Variants in FILIP1L observed in about 807,000 individuals in gnomAD.
FILIP1L encodes the protein filamin A-interacting protein 1-like.
In FILIP1L, 55 loss-of-function variants were observed where a neutral mutation model predicts 96.6. That is an observed-to-expected ratio of 0.57 (90% confidence interval 0.46 to 0.71). The LOEUF (loss-of-function observed/expected upper bound fraction) is 0.71. FILIP1L is among the 30% of genes least tolerant of loss of function. The pLI is 0.00. For missense variants in FILIP1L, 1,304 were observed against 1,321.2 expected, an observed-to-expected ratio of 0.99 and a Z score of 0.20; for synonymous variants, 467 against 473.9, an observed-to-expected ratio of 0.99 and a Z score of 0.19.
At chr3:99,843,139 G>A (rs910720389) in intron 5 of FILIP1L, among the ~76,000 whole-genome samples, 4 of 152,224 alleles carry the variant, frequency 2.6e-5, no homozygotes, top group Non-Finnish European at 4.4e-5. Flanking sequence ...TGTGCCATAA[G>A]TTGAATGGAG....
intron 1 of FILIP1L, among the ~76,000 whole-genome samples, chr3:100,102,657 G>A (rs1324824779): frequency 1.3e-5 from 2 of 152,020 alleles, no homozygotes; most frequent in South Asian, 2.1e-4. Context: ...TGTGTCCTCC[G>A]CCATGCTTTG....
At chr3:100,102,725 C>T (rs1178651819) in intron 1 of FILIP1L, among the ~76,000 whole-genome samples, 1 of 152,180 alleles carries the variant, frequency 6.6e-6, no homozygotes. Flanking sequence ...ACTGTGCTTC[C>T]TCTGGGTTTG....
At chr3:99,905,509 T>A (rs866682082) in intron 4 of FILIP1L, among the ~76,000 whole-genome samples, 2 of 152,250 alleles carry the variant, frequency 1.3e-5, no homozygotes, top group Admixed American at 6.5e-5. Context: ...TTACATCTTA[T>A]AGCATAATCA....
intron 1 of FILIP1L, among the ~76,000 whole-genome samples, chr3:99,989,443 T>C (rs1709447531): frequency 6.6e-6 from 1 of 152,212 alleles, no homozygotes; most frequent in Non-Finnish European, 1.5e-5. Flanking sequence ...CCACATTTTC[T>C]GGAGACCCAA....
At chr3:100,016,101 T>C (rs991517861) in intron 1 of FILIP1L, among the ~76,000 whole-genome samples, 3 of 152,252 alleles carry the variant, frequency 2.0e-5, no homozygotes, top group African/African-American at 7.2e-5. Context: ...GTGATGATCC[T>C]TGCAGGCCGT....
chr3:99,839,075 G>T (rs1330106152), intron 5 of FILIP1L, among the ~76,000 whole-genome samples: 1 of 151,942 alleles, frequency 6.6e-6, no homozygotes, highest in African/African-American at 2.4e-5. Context: ...CACCTCTTTG[G>T]AGCACCTTTC....
At position 99,850,135 on chromosome 3, in the gene FILIP1L, G is replaced by GT. The variant is rs1426215839; in HGVS notation, c.1540dup (p.Thr514AsnfsTer2). The GT allele has an allele frequency of 6.2e-7, 1 of 1,611,754 alleles. No homozygotes were observed. The highest frequency in any genetic ancestry group is 8.5e-7 in the Non-Finnish European group (1 of 1,179,598). On this transcript the variant is annotated frameshift_variant, in exon 5 of 6. Transcript: ENST00000477258. LOFTEE classifies it high-confidence loss of function. Reference sequence around the variant, plus strand: ...AGAAGCAGCTTGTAATTTATCTTCAGTTTTCTTTAATTTTTCACTCATTGT... The same window carrying GT: ...AGAAGCAGCTTGTAATTTATCTTCAGTTTTTCTTTAATTTTTCACTCATTGT...
At chr3:99,912,333 C>T (rs1266321843) in intron 4 of FILIP1L, among the ~76,000 whole-genome samples, 2 of 152,118 alleles carry the variant, frequency 1.3e-5, no homozygotes, top group Non-Finnish European at 2.9e-5. Flanking sequence ...TGGTTTCTAG[C>T]GGCTGTAGTG....
intron 4 of FILIP1L, among the ~76,000 whole-genome samples, chr3:99,915,855 T>C (rs1706933972): frequency 6.6e-6 from 1 of 152,204 alleles, no homozygotes; most frequent in African/African-American, 2.4e-5. Context: ...CTAAACAATA[T>C]GCCACTTGAA....
intron 4 of FILIP1L, among the ~76,000 whole-genome samples, chr3:99,870,510 G>A (rs1014277053): frequency 6.6e-6 from 1 of 152,176 alleles, no homozygotes; most frequent in Non-Finnish European, 1.5e-5. Flanking sequence ...TGTTGTCCAA[G>A]AGCTGCTAGT....
intron 1 of FILIP1L, among the ~76,000 whole-genome samples, chr3:99,987,372 T>C (rs1357512128): frequency 6.6e-6 from 1 of 150,820 alleles, no homozygotes; most frequent in African/African-American, 2.4e-5. Context: ...CTACTAAAAA[T>C]ACAAAAATTA....
At chr3:99,932,783 C>G (rs140677621) in intron 1 of FILIP1L, among the ~76,000 whole-genome samples, 79 of 152,226 alleles carry the variant, frequency 5.2e-4, no homozygotes, top group African/African-American at 1.8e-3. Context: ...CCCAGCTACT[C>G]AGGAGGCTGA....
intron 1 of FILIP1L, among the ~76,000 whole-genome samples, chr3:99,956,669 A>G (rs533773219): frequency 6.6e-6 from 1 of 152,352 alleles, no homozygotes; most frequent in South Asian, 2.1e-4. Flanking sequence ...GCTTTGGATC[A>G]TAAGCATCGC....
intron 1 of FILIP1L, among the ~76,000 whole-genome samples, chr3:100,050,350 C>CT (rs1327913275): frequency 6.6e-6 from 1 of 152,048 alleles, no homozygotes; most frequent in Non-Finnish European, 1.5e-5. Context: ...AAAGCCATAT[C>CT]TTTTTTAGAT....
chr3:99,942,954 G>GGA (rs950527657), intron 1 of FILIP1L, among the ~76,000 whole-genome samples: 4 of 152,174 alleles, frequency 2.6e-5, no homozygotes, highest in Admixed American at 2.6e-4. Context: ...CAGAGAAACA[G>GGA]GAGAGTAAAC....
chr3:100,090,654 T>C (rs2066088481), intron 1 of FILIP1L, among the ~76,000 whole-genome samples: 1 of 152,170 alleles, frequency 6.6e-6, no homozygotes, highest in Admixed American at 6.5e-5. Context: ...GCATTTCCCA[T>C]TGCCTTTGAC....
intron 1 of FILIP1L, among the ~76,000 whole-genome samples, chr3:99,931,635 T>C (rs1049550362): frequency 3.9e-5 from 6 of 152,204 alleles, no homozygotes; most frequent in African/African-American, 1.4e-4. Context: ...GCTGTATTCC[T>C]GTATTCCTGA....
chr3:99,833,171 C>T, intron 5 of FILIP1L: 1 of 1,439,736 alleles, frequency 6.9e-7, no homozygotes, highest in Non-Finnish European at 9.7e-7. Context: ...TTAATAAATG[C>T]TTAACCCAGT....
intron 1 of FILIP1L, among the ~76,000 whole-genome samples, chr3:100,030,528 T>C (rs2065005995): frequency 6.6e-6 from 1 of 152,192 alleles, no homozygotes; most frequent in Non-Finnish European, 1.5e-5. Flanking sequence ...TAGTCTTTTC[T>C]CAGAACCTGT....
Sources: allele counts gnomAD v4.1 joint callset (sites outside exome capture counted in the v4.1 genomes callset), GRCh38; gene constraint gnomAD v4.1.1; transcripts MANE v1.5; gene names NCBI Gene and HGNC (gene_info 2026-07-23, HGNC 2026-07-21).